Variants in EVC2 observed in about 807,000 individuals in gnomAD.
The protein encoded by EVC2 is EvC ciliary complex subunit 2.
In EVC2, 148 loss-of-function variants were observed where a neutral mutation model predicts 149.3. That is an observed-to-expected ratio of 0.99 (90% CI 0.87 to 1.14). The LOEUF (loss-of-function observed/expected upper bound fraction) is 1.14. Ranked by LOEUF, EVC2 falls within the 50% of genes most tolerant of loss-of-function variation. The pLI is 0.00. For missense variants in EVC2, 1,854 were observed against 1,627.3 expected (o/e 1.14, Z -2.40); for synonymous variants, 776 against 649.9 (o/e 1.19, Z -2.95).
In EVC2 at chr4:5,686,911, T is replaced by C. The variant is rs1200966131; in HGVS notation, c.707-1432A>G. Among the ~76,000 whole-genome samples, 4 of 151,942 alleles carry C rather than the reference T, an allele frequency of 2.6e-5. No homozygotes were observed. Among genetic ancestry groups the C allele is most frequent in the East Asian group, 3.9e-4 (2 of 5,178 alleles). On this transcript the variant is annotated intron_variant, in intron 5 of 21. Transcript: ENST00000344408. The surrounding 1 kb of genome is among the most constrained non-coding windows in gnomAD (Gnocchi z 5.4). ...CTCAGGGAATGTAGAGCCCAGTAGG[T>C]AGAGCTAAGCATGGGCATAAATAAC...
intron 5 of EVC2, among the ~76,000 whole-genome samples, chr4:5,685,873 C>T (rs939945559): frequency 6.6e-6 from 1 of 152,262 alleles, no homozygotes; most frequent in Admixed American, 6.5e-5. Flanking sequence ...GGACTGGAGG[C>T]CTTCGCCTGA....
chr4:5,610,702 C>T (rs534486074), intron 16 of EVC2, among the ~76,000 whole-genome samples: 1 of 152,198 alleles, frequency 6.6e-6, no homozygotes, highest in African/African-American at 2.4e-5. Flanking sequence ...CCAGGCTCAC[C>T]TGCCGGGCTC....
chr4:5,578,717 G>C (rs558670554), intron 17 of EVC2, among the ~76,000 whole-genome samples: 1 of 152,060 alleles, frequency 6.6e-6, no homozygotes, highest in Non-Finnish European at 1.5e-5. Flanking sequence ...GAGAGAGAGA[G>C]AGATAATAGA....
rs1037651320 is a variant in EVC2, at chr4:5,679,820, C to A, written c.870+1440G>T. The stretch of plus-strand genomic sequence containing the variant: ...TGTTCCCCTCCCTGTGACTTTATTA[C>A]CTTTGTAATTTTTTTTTTAACATTT... On this transcript the variant is annotated intron_variant, in intron 7 of 21. Transcript: ENST00000344408. This position sits in a 1 kb window ranked among gnomAD's most constrained non-coding sequence, Gnocchi z 5.1. Among the ~76,000 whole-genome samples the A allele has an allele frequency of 2.0e-5, 3 of 146,542 alleles. No individual in the cohort carries two copies. The highest frequency in any genetic ancestry group is 4.6e-5 in the Non-Finnish European group (3 of 65,824).
downstream of EVC2, among the ~76,000 whole-genome samples, chr4:5,538,441 G>C (rs192747306): frequency 3.3e-5 from 5 of 152,252 alleles, no homozygotes; most frequent in Non-Finnish European, 5.9e-5. Flanking sequence ...TAAAAGTGAA[G>C]TGAGAATATA....
At chr4:5,538,690 A>G (rs984606558), downstream of EVC2, among the ~76,000 whole-genome samples, 5 of 152,234 alleles carry the variant, frequency 3.3e-5, no homozygotes, top group Non-Finnish European at 7.4e-5. Flanking sequence ...ATCAATCAAT[A>G]TAATTTACTC....
chr4:5,658,044 G>A (rs1718644771), intron 9 of EVC2, among the ~76,000 whole-genome samples: 1 of 152,074 alleles, frequency 6.6e-6, no homozygotes, highest in African/African-American at 2.4e-5. Flanking sequence ...AGAGCCCCTT[G>A]CCCCTTCATA....
chr4:5,663,797 T>C (rs996779326), intron 8 of EVC2, among the ~76,000 whole-genome samples: 2 of 152,136 alleles, frequency 1.3e-5, no homozygotes, highest in Admixed American at 6.5e-5. Context: ...GGCAGGCACC[T>C]GTAATCCCAG....
At chr4:5,581,052 C>T (rs1294148748) in intron 17 of EVC2, among the ~76,000 whole-genome samples, 1 of 152,166 alleles carries the variant, frequency 6.6e-6, no homozygotes, top group East Asian at 1.9e-4. Flanking sequence ...TGTAAGTTTC[C>T]TGAGGTTTCC....
At position 5,624,163 on chromosome 4, in the gene EVC2, A is replaced by G. The variant is rs145841154; in HGVS notation, c.2047-1172T>C. 5.5e-3 allele frequency among the ~76,000 whole-genome samples: 837 copies of G among 152,270 alleles called. 12 individuals carry two copies. The highest frequency in any genetic ancestry group is 0.019 in the African/African-American group (795 of 41,554). On this transcript the variant is annotated intron_variant, in intron 13 of 21. Coordinates refer to ENST00000344408, the MANE Select transcript of EVC2 (RefSeq NM_147127.5). The stretch of plus-strand genomic sequence containing the variant: ...AAAGAACCTGCCTGGGAGAAAAAGC[A>G]GTTGGTGCAAAGGCCCCGTGGTGGG...
At chr4:5,697,984 C>A (rs1325231955) in intron 1 of EVC2, among the ~76,000 whole-genome samples, 7 of 152,038 alleles carry the variant, frequency 4.6e-5, no homozygotes, top group Admixed American at 4.6e-4. Flanking sequence ...ATCTCCTGAC[C>A]TCGTGATCCG....
chr4:5,653,731 G>A (rs1718304317), intron 9 of EVC2, among the ~76,000 whole-genome samples: 1 of 152,168 alleles, frequency 6.6e-6, no homozygotes, highest in African/African-American at 2.4e-5. Flanking sequence ...GGGTCTGGGA[G>A]ATATGGGAAC....
intron 16 of EVC2, among the ~76,000 whole-genome samples, chr4:5,606,625 A>T (rs1394486756): frequency 6.6e-6 from 1 of 152,180 alleles, no homozygotes; most frequent in African/African-American, 2.4e-5. Flanking sequence ...ATCTAAAATT[A>T]CCAAGCATGC....
chr4:5,592,849 G>C (rs540475614), intron 16 of EVC2, among the ~76,000 whole-genome samples: 2 of 152,132 alleles, frequency 1.3e-5, no homozygotes, highest in African/African-American at 2.4e-5. Flanking sequence ...GAAGAAACAC[G>C]GGAGAAGGGA....
intron 7 of EVC2, among the ~76,000 whole-genome samples, chr4:5,667,396 AAAGT>A (rs1577228959): frequency 1.3e-5 from 2 of 152,096 alleles, no homozygotes; most frequent in Non-Finnish European, 2.9e-5. Flanking sequence ...GATTATAAAA[AAAGT>A]AAGGCAAATT....
At chr4:5,701,091 C>G (rs1032419800) in intron 1 of EVC2, among the ~76,000 whole-genome samples, 1 of 152,188 alleles carries the variant, frequency 6.6e-6, no homozygotes, top group Non-Finnish European at 1.5e-5. Context: ...CCTTTTCCAG[C>G]TTTCAGAGAC....
intron 7 of EVC2, among the ~76,000 whole-genome samples, chr4:5,668,299 G>C (rs1719404465): frequency 6.6e-6 from 1 of 152,174 alleles, no homozygotes; most frequent in Non-Finnish European, 1.5e-5. Flanking sequence ...AGGAGCTTCA[G>C]TTCAAATGCT....
rs774644702 is a variant in EVC2 at position 5,576,894 on chromosome 4, T to G, written c.3058-440A>C. Reference sequence around the variant, plus strand: ...CCTTTCTGCTACAGTGTGAGCTCTTTGAGGGCAGGGCTGTGTCTCCTTCTC... The same window carrying G: ...CCTTTCTGCTACAGTGTGAGCTCTTGGAGGGCAGGGCTGTGTCTCCTTCTC... On this transcript the variant is annotated intron_variant, in intron 17 of 21. Coordinates refer to ENST00000344408, the MANE Select transcript of EVC2 (RefSeq NM_147127.5). The surrounding 1 kb of genome is among the most constrained non-coding windows in gnomAD (Gnocchi z 4.5). 2.2e-4 allele frequency among the ~76,000 whole-genome samples: 33 copies of G among 152,196 alleles called. No homozygotes were observed. The highest frequency in any genetic ancestry group is 9.2e-4 in the Admixed American group (14 of 15,280).
rs538292326 is a variant in EVC2 at position 5,695,784 on chromosome 4, C to T, written c.284-1283G>A. Among the ~76,000 whole-genome samples the T allele has an allele frequency of 5.8e-4, 88 of 152,220 alleles. 1 individual carries two copies. The Middle Eastern group carries it at 0.02, about 35-fold the overall frequency. ...CTAATTTGACTGAAAATAAGGTGTA[C>T]TTTTCAGTCTTTCTTACCCAGCATA... On this transcript the variant is annotated intron_variant, in intron 2 of 21. Transcript: ENST00000344408.
Sources: allele counts gnomAD v4.1 joint callset (sites outside exome capture counted in the v4.1 genomes callset), GRCh38; gene constraint gnomAD v4.1.1; non-coding constraint Gnocchi (gnomAD v3.1); transcripts MANE v1.5; gene names NCBI Gene and HGNC (gene_info 2026-07-23, HGNC 2026-07-21).